The following LAMA2 variants were observed in gnomAD, a reference collection of about 807,000 sequenced individuals.
LAMA2 encodes the protein laminin subunit alpha-2.
Under a neutral mutation model 364.8 loss-of-function variants are expected in LAMA2, and 269 were observed. That is an observed-to-expected ratio of 0.74 (90% CI 0.67 to 0.82). LAMA2 has a LOEUF of 0.82. Ranked by LOEUF, LAMA2 falls within the 40% of genes least tolerant of loss-of-function variation. The pLI, the probability that LAMA2 is intolerant of heterozygous loss-of-function variation, is 0.00. For synonymous variants in LAMA2, 1,379 were observed against 1,370.6 expected (o/e 1.01, Z -0.14); for missense variants, 3,807 against 3,873.2 (o/e 0.98, Z 0.45).
At chr6:129,312,365 T>TA (rs1251840527) in intron 22 of LAMA2, among the ~76,000 whole-genome samples, 1 of 152,238 alleles carries the variant, frequency 6.6e-6, no homozygotes, top group Non-Finnish European at 1.5e-5. Context: ...TCTAGTCTGA[T>TA]GCCCTTTGTA....
intron 35 of LAMA2, among the ~76,000 whole-genome samples, chr6:129,388,995 G>A (rs1779175767): frequency 6.6e-6 from 1 of 152,118 alleles, no homozygotes; most frequent in South Asian, 2.1e-4. Flanking sequence ...CTGGACCAGG[G>A]AGCTTTCAAA....
intron 1 of LAMA2, among the ~76,000 whole-genome samples, chr6:129,032,640 A>T (rs1476395982): frequency 1.3e-5 from 2 of 152,310 alleles, no homozygotes; most frequent in East Asian, 3.9e-4. Flanking sequence ...AATCTTAAGA[A>T]AACTCATTAT....
intron 34 of LAMA2, among the ~76,000 whole-genome samples, chr6:129,371,248 TGTGTG>T (rs1018448101): frequency 6.6e-4 from 6 of 9,106 alleles, no homozygotes; most frequent in Non-Finnish European, 2.8e-3. Flanking sequence ...AACTTTGAGA[TGTGTG>T]TGTGTGTGTG....
At chr6:129,477,078 G>A (rs1022669330) in intron 53 of LAMA2, among the ~76,000 whole-genome samples, 3 of 152,132 alleles carry the variant, frequency 2.0e-5, no homozygotes, top group Non-Finnish European at 2.9e-5. Context: ...TATTGATGCC[G>A]ACTGGACAGT....
intron 3 of LAMA2, among the ~76,000 whole-genome samples, chr6:129,063,285 T>C (rs1306339391): frequency 6.6e-6 from 1 of 152,150 alleles, no homozygotes; most frequent in Non-Finnish European, 1.5e-5. Context: ...AAAAACTCAA[T>C]ATAATTGCGA....
At chr6:129,153,243 A>C (rs2114974329) in intron 7 of LAMA2, among the ~76,000 whole-genome samples, 1 of 152,316 alleles carries the variant, frequency 6.6e-6, no homozygotes, top group East Asian at 1.9e-4. Flanking sequence ...ACATTACGCT[A>C]ATGATTTCAC....
At chr6:129,260,887 A>G in intron 15 of LAMA2, 65 bp downstream of exon 15, 3 of 946,016 alleles carry the variant, frequency 3.2e-6, no homozygotes, top group Non-Finnish European at 1.7e-6. Context: ...TCAATAACCT[A>G]TTCTAATAAG....
chr6:128,943,883 T>C (rs529267785), intron 1 of LAMA2, among the ~76,000 whole-genome samples: 2 of 152,282 alleles, frequency 1.3e-5, no homozygotes, highest in Admixed American at 6.5e-5. Flanking sequence ...ACTTATAAGA[T>C]GTATTTATGG....
At chr6:129,219,462 C>T (rs1253289846) in intron 12 of LAMA2, among the ~76,000 whole-genome samples, 7 of 151,648 alleles carry the variant, frequency 4.6e-5, no homozygotes, top group Admixed American at 2.0e-4. Context: ...TTTGACCCAG[C>T]CATCCCATTA....
intron 12 of LAMA2, among the ~76,000 whole-genome samples, chr6:129,211,472 C>T (rs1783097453): frequency 6.6e-6 from 1 of 152,202 alleles, no homozygotes; most frequent in South Asian, 2.1e-4. Flanking sequence ...TTACCTTAGT[C>T]CTCTGCTTAA....
At chr6:129,340,181 C>T (rs1332158926) in intron 29 of LAMA2, among the ~76,000 whole-genome samples, 1 of 152,034 alleles carries the variant, frequency 6.6e-6, no homozygotes, top group Non-Finnish European at 1.5e-5. Flanking sequence ...AACCAGAAGC[C>T]TGTTTAAAGG....
intron 64 of LAMA2, among the ~76,000 whole-genome samples, chr6:129,515,096 T>C: frequency 6.6e-6 from 1 of 152,212 alleles, no homozygotes; most frequent in East Asian, 1.9e-4. Flanking sequence ...AGAATCCTTC[T>C]CTAGCACATT....
chr6:129,154,756 AT>A (rs1583149590), intron 8 of LAMA2, 73 bp downstream of exon 8: 1 of 1,258,080 alleles, frequency 7.9e-7, no homozygotes, highest in East Asian at 2.4e-5. Flanking sequence ...ATACAAAAAA[AT>A]AATAATTTTG....
intron 1 of LAMA2, among the ~76,000 whole-genome samples, chr6:128,978,108 T>C (rs925245648): frequency 6.6e-6 from 1 of 152,192 alleles, no homozygotes; most frequent in Non-Finnish European, 1.5e-5. Flanking sequence ...ATATCCACCT[T>C]CACTGATGAG....
At chr6:129,391,428 A>C in intron 35 of LAMA2, 63 bp from the exon 36 acceptor site, 1 of 1,358,586 alleles carries the variant, frequency 7.4e-7, no homozygotes, top group Non-Finnish European at 1.1e-6. Context: ...CAGATGCTGA[A>C]TACCATGTTT....
Position 129,291,739 on chromosome 6 carries a change from C to G in LAMA2, c.2856+19C>G. The G allele has an allele frequency of 6.6e-7, 1 of 1,517,718 alleles. No homozygotes were observed. The highest frequency in any genetic ancestry group is 9.2e-7 in the Non-Finnish European group (1 of 1,092,382). 94.0% of individuals were successfully genotyped at this position (1,517,718 alleles called of 1,614,324 possible). ...ATGCAAGGTAAGGAGTAGAGGCTGA[C>G]CCATAAATTACTTTCTCCTTACAGA... On this transcript the variant is annotated intron_variant, in intron 20 of 64. Coordinates refer to ENST00000421865, the MANE Select transcript of LAMA2 (RefSeq NM_000426.4).
chr6:129,131,818 G>A (rs1583100743), intron 4 of LAMA2, among the ~76,000 whole-genome samples: 1 of 152,282 alleles, frequency 6.6e-6, no homozygotes, highest in East Asian at 1.9e-4. Context: ...CACTTTCTTA[G>A]AACTTTGATA....
chr6:129,067,149 G>A lies in LAMA2; in HGVS notation c.396+7253G>A, dbSNP rs1412311252. ...CTCTTCAAATCACTGAATTTATTTT[G>A]TTGGTACTATTTGGGTCACTGCTAA... is the stretch of plus-strand genomic sequence containing the variant. On this transcript the variant is annotated intron_variant, in intron 3 of 64. Transcript: ENST00000421865. Among the ~76,000 whole-genome samples, 3 of 152,174 alleles carry A rather than the reference G, an allele frequency of 2.0e-5. No individual in the cohort carries two copies. In the South Asian group the frequency reaches 6.2e-4, roughly 31 times the overall value.
At chr6:128,897,486 G>A (rs1171038774) in intron 1 of LAMA2, among the ~76,000 whole-genome samples, 3 of 152,160 alleles carry the variant, frequency 2.0e-5, no homozygotes, top group Non-Finnish European at 2.9e-5. Context: ...GTTGTTGTAT[G>A]AAGTGTTAAA....
Sources: allele counts gnomAD v4.1 joint callset (sites outside exome capture counted in the v4.1 genomes callset), GRCh38; gene constraint gnomAD v4.1.1; transcripts MANE v1.5; gene names NCBI Gene and HGNC (gene_info 2026-07-23, HGNC 2026-07-21).